The following SLC44A5 variants were observed in gnomAD, a reference collection of about 807,000 sequenced individuals.
SLC44A5 encodes the protein choline transporter-like protein 5.
Under a neutral mutation model 101.8 loss-of-function variants are expected in SLC44A5, and 57 were observed. The ratio of observed to expected loss-of-function variants is 0.56; its 90% CI spans 0.45 to 0.70. The LOEUF is 0.70. Ranked by LOEUF, SLC44A5 falls within the 30% of genes least tolerant of loss-of-function variation. The pLI is 0.00. For missense variants in SLC44A5, 737 were observed against 853.1 expected (o/e 0.86, Z 1.70); for synonymous variants, 281 against 290.9 (o/e 0.97, Z 0.35).
At chr1:75,719,704 C>A in the SLC44A5 span, among the ~76,000 whole-genome samples, 8 of 152,218 alleles carry the variant, frequency 5.3e-5, 1 homozygote, top group South Asian at 1.2e-3. Context: ...GATTGTATTT[C>A]TACTATTCAA....
intron 2 of SLC44A5, among the ~76,000 whole-genome samples, chr1:75,513,830 G>T (rs1204952673): frequency 1.3e-5 from 2 of 151,978 alleles, no homozygotes; most frequent in Non-Finnish European, 2.9e-5. Flanking sequence ...CTATATAAAG[G>T]ACTGCCATAT....
intron 1 of SLC44A5, among the ~76,000 whole-genome samples, chr1:75,604,051 T>A (rs72981009): frequency 1.6e-3 from 251 of 152,130 alleles, no homozygotes; most frequent in African/African-American, 5.6e-3. Context: ...GCTTTTGTTG[T>A]CATTGCTTTT....
intron 3 of SLC44A5, among the ~76,000 whole-genome samples, chr1:75,390,661 G>A (rs1661724360): frequency 6.6e-6 from 1 of 151,944 alleles, no homozygotes; most frequent in Non-Finnish European, 1.5e-5. Context: ...ATCTTCAAAT[G>A]TCTAACAAAA....
chr1:75,512,548 GAC>G (rs1173715672), intron 2 of SLC44A5, among the ~76,000 whole-genome samples: 1 of 152,184 alleles, frequency 6.6e-6, no homozygotes, highest in African/African-American at 2.4e-5. Context: ...TTTGGTGTCA[GAC>G]ACAGTGTATT....
At chr1:75,274,856 A>G (rs963723567) in intron 6 of SLC44A5, 102 bp downstream of exon 6, 6 of 949,964 alleles carry the variant, frequency 6.3e-6, no homozygotes, top group Admixed American at 2.4e-5. Context: ...TCCTTTATGA[A>G]TTTAAATCTT....
intron 1 of SLC44A5, among the ~76,000 whole-genome samples, chr1:75,545,143 T>G (rs1427351785): frequency 1.3e-5 from 2 of 152,170 alleles, no homozygotes; most frequent in Non-Finnish European, 2.9e-5. Context: ...TTGCTGAGAA[T>G]GATGGTTTCC....
At chr1:75,279,281 T>C (rs1358462948) in intron 5 of SLC44A5, among the ~76,000 whole-genome samples, 1 of 152,124 alleles carries the variant, frequency 6.6e-6, no homozygotes, top group African/African-American at 2.4e-5. Context: ...GTTTTTGTAA[T>C]GTTAGAACAG....
chr1:75,535,289 G>C (rs1172220648), intron 2 of SLC44A5, among the ~76,000 whole-genome samples: 1 of 152,068 alleles, frequency 6.6e-6, no homozygotes, highest in East Asian at 1.9e-4. Context: ...ATATTTGAAG[G>C]AAGAAGGAGG....
rs1209760156 is a variant in SLC44A5 at position 75,263,400 on chromosome 1, T to G, written c.260+11558A>C. 1.1e-4 allele frequency among the ~76,000 whole-genome samples: 17 copies of G among 152,278 alleles called. No individual in the cohort carries two copies. The East Asian group carries it at 3.3e-3, about 29-fold the overall frequency. ...AAAAAAAGCTCATCATCACTGGTCA[T>G]TAGACAAATAAAATCAAAACCACAA... On this transcript the variant is annotated intron_variant, in intron 6 of 23. Transcript: ENST00000370859.
intron 1 of SLC44A5, chr1:75,582,601 G>A (rs1673760121): frequency 5.8e-6 from 2 of 344,518 alleles, no homozygotes; most frequent in Non-Finnish European, 5.3e-6. Flanking sequence ...AAGGACTGGT[G>A]TGACCCGCCC....
At chr1:75,697,637 T>G in the SLC44A5 span, among the ~76,000 whole-genome samples, 1 of 151,704 alleles carries the variant, frequency 6.6e-6, no homozygotes, top group African/African-American at 2.4e-5. Context: ...ATACAAAAAT[T>G]AGGGGGAGAA....
chr1:75,633,446 A>G, the SLC44A5 span, among the ~76,000 whole-genome samples: 11 of 152,124 alleles, frequency 7.2e-5, no homozygotes, highest in Non-Finnish European at 1.6e-4. Flanking sequence ...GTCCCTTGTA[A>G]AGTGGATTCC....
intron 2 of SLC44A5, among the ~76,000 whole-genome samples, chr1:75,475,141 A>C (rs1199039075): frequency 6.6e-6 from 1 of 152,226 alleles, no homozygotes; most frequent in Non-Finnish European, 1.5e-5. Context: ...AAATAACATC[A>C]ATAATGATGA....
the SLC44A5 span, among the ~76,000 whole-genome samples, chr1:75,631,170 G>C: frequency 1.3e-5 from 2 of 152,202 alleles, no homozygotes; most frequent in Non-Finnish European, 2.9e-5. Flanking sequence ...GTAGACTAGA[G>C]AGGAGTGAAT....
At chr1:75,462,716 T>A (rs1292423880) in intron 2 of SLC44A5, among the ~76,000 whole-genome samples, 1 of 152,052 alleles carries the variant, frequency 6.6e-6, no homozygotes, top group Non-Finnish European at 1.5e-5. Context: ...CAAGCAGAAA[T>A]TCTGGAGCTG....
intron 2 of SLC44A5, among the ~76,000 whole-genome samples, chr1:75,397,701 G>A (rs1455304800): frequency 6.6e-6 from 1 of 152,126 alleles, no homozygotes; most frequent in Non-Finnish European, 1.5e-5. Flanking sequence ...CAGAGGCAAC[G>A]TGAACTTTTG....
intron 1 of SLC44A5, among the ~76,000 whole-genome samples, chr1:75,556,007 A>G (rs112789374): frequency 2.4e-4 from 36 of 152,264 alleles, no homozygotes; most frequent in African/African-American, 8.7e-4. Context: ...AGAAAACTCT[A>G]GAAAATAAAA....
chr1:75,442,684 T>G (rs961470497), intron 2 of SLC44A5, among the ~76,000 whole-genome samples: 1 of 152,150 alleles, frequency 6.6e-6, no homozygotes, highest in Non-Finnish European at 1.5e-5. Flanking sequence ...TTGTCCTTCT[T>G]GTATTCAGAG....
intron 4 of SLC44A5, among the ~76,000 whole-genome samples, chr1:75,311,116 C>CTT (rs55858318): frequency 6.8e-6 from 1 of 146,812 alleles, no homozygotes. Context: ...AAAATAGCAT[C>CTT]TTTTTTTTTT....
Sources: allele counts gnomAD v4.1 joint callset (sites outside exome capture counted in the v4.1 genomes callset), GRCh38; gene constraint gnomAD v4.1.1; transcripts MANE v1.5; gene names NCBI Gene and HGNC (gene_info 2026-07-23, HGNC 2026-07-21).